TULP4: variants seen among roughly 807,000 people sequenced by gnomAD.
TULP4 encodes the protein TUB like protein 4, also known as tubby-related protein 4.
In TULP4, 16 loss-of-function variants were observed where a neutral mutation model predicts 129.0. The ratio of observed to expected loss-of-function variants is 0.12; its 90% CI spans 0.08 to 0.19. The LOEUF (loss-of-function observed/expected upper bound fraction) is 0.19. TULP4 is among the 10% of genes least tolerant of loss of function. The pLI, the probability that TULP4 is intolerant of heterozygous loss-of-function variation, is 1.00. For synonymous variants in TULP4, 998 were observed against 854.0 expected, an observed-to-expected ratio of 1.17 and a Z score of -2.94; for missense variants, 1,842 against 2,059.1, an observed-to-expected ratio of 0.89 and a Z score of 2.04.
At chr6:158,279,026 G>A (rs1338346946), upstream of TULP4, among the ~76,000 whole-genome samples, 2 of 144,858 alleles carry the variant, frequency 1.4e-5, no homozygotes. Context: ...TGCAAGCTCC[G>A]CCTCCTGGGT....
At chr6:158,298,205 C>G (rs1779069510) in intron 1 of TULP4, among the ~76,000 whole-genome samples, 1 of 152,094 alleles carries the variant, frequency 6.6e-6, no homozygotes, top group South Asian at 2.1e-4. Flanking sequence ...TTTCAAGGTG[C>G]ACTGATTTCA....
intron 3 of TULP4, among the ~76,000 whole-genome samples, chr6:158,441,599 T>C (rs111951061): frequency 1.0e-3 from 154 of 152,288 alleles, no homozygotes; most frequent in African/African-American, 3.5e-3. Flanking sequence ...TATGTCCTTA[T>C]ATGTGTTAGG....
intron 1 of TULP4, among the ~76,000 whole-genome samples, chr6:158,272,770 G>C (rs1355920317): frequency 6.6e-6 from 1 of 152,196 alleles, no homozygotes; most frequent in African/African-American, 2.4e-5. Context: ...CAAGTTTCTA[G>C]AGTGTTTCAG....
chr6:158,440,027 TA>T (rs201322124), intron 3 of TULP4, among the ~76,000 whole-genome samples: 1 of 150,352 alleles, frequency 6.7e-6, no homozygotes, highest in Non-Finnish European at 1.5e-5. Context: ...GTTTCTTTTT[TA>T]AAAAAAAATA....
chr6:158,314,487 A>G (rs1779441781), intron 1 of TULP4, among the ~76,000 whole-genome samples: 1 of 152,066 alleles, frequency 6.6e-6, no homozygotes. Flanking sequence ...TGTCCCTGGC[A>G]CCCCTGCTGT....
chr6:158,482,393 A>G (rs1378320905), intron 8 of TULP4, among the ~76,000 whole-genome samples: 3 of 152,194 alleles, frequency 2.0e-5, no homozygotes, highest in Non-Finnish European at 2.9e-5. Flanking sequence ...CAAAACAGCA[A>G]TACCACTTGT....
At chr6:158,303,099 G>T (rs942704687) in intron 1 of TULP4, among the ~76,000 whole-genome samples, 1 of 149,548 alleles carries the variant, frequency 6.7e-6, no homozygotes, top group Non-Finnish European at 1.5e-5. Flanking sequence ...GTGGGCTGTT[G>T]TTCAGAAATT....
intron 1 of TULP4, among the ~76,000 whole-genome samples, chr6:158,246,234 G>T (rs141509969): frequency 4.5e-4 from 69 of 152,238 alleles, no homozygotes; most frequent in African/African-American, 1.5e-3. Flanking sequence ...GGGCATGGTG[G>T]CTCATGCCTG....
chr6:158,247,818 G>A (rs1406953889), intron 1 of TULP4, among the ~76,000 whole-genome samples: 2 of 152,216 alleles, frequency 1.3e-5, no homozygotes, highest in Non-Finnish European at 2.9e-5. Flanking sequence ...ACAACAAACC[G>A]AGCTGTTAGT....
chr6:158,492,145 A>G (rs1296009415), intron 9 of TULP4, among the ~76,000 whole-genome samples: 1 of 152,210 alleles, frequency 6.6e-6, no homozygotes, highest in Non-Finnish European at 1.5e-5. Context: ...GGTGTGAGCC[A>G]CCGCACCCAG....
intron 1 of TULP4, among the ~76,000 whole-genome samples, chr6:158,332,274 G>A (rs1321426828): frequency 6.7e-6 from 1 of 148,472 alleles, no homozygotes; most frequent in Non-Finnish European, 1.5e-5. Context: ...ACTCTGTATA[G>A]TACCCTAGGG....
At chr6:158,359,486 C>CGATGTTTGAGGGCAG (rs1780718539) in intron 1 of TULP4, among the ~76,000 whole-genome samples, 1 of 152,162 alleles carries the variant, frequency 6.6e-6, no homozygotes, top group Admixed American at 6.5e-5. Context: ...AGCTGAAGAA[C>CGATGTTTGAGGGCAG]TTGGAGTATG....
chr6:158,387,723 AT>A (rs1401426757), intron 1 of TULP4, among the ~76,000 whole-genome samples: 1 of 152,198 alleles, frequency 6.6e-6, no homozygotes, highest in Admixed American at 6.5e-5. Context: ...CTTAAAGCTA[AT>A]TCACATTATG....
At chr6:158,452,592 G>A (rs889216607) in intron 5 of TULP4, among the ~76,000 whole-genome samples, 4 of 152,274 alleles carry the variant, frequency 2.6e-5, no homozygotes, top group African/African-American at 4.8e-5. Context: ...CACAATAAAC[G>A]GACTGCAGCA....
intron 13 of TULP4, among the ~76,000 whole-genome samples, chr6:158,506,212 T>C (rs1780595370): frequency 6.9e-6 from 1 of 144,250 alleles, no homozygotes; most frequent in African/African-American, 2.5e-5. Context: ...GTCGCCTTGC[T>C]CGCCTTGTTC....
At chr6:158,476,189 A>G (rs1779816459) in intron 6 of TULP4, among the ~76,000 whole-genome samples, 1 of 151,586 alleles carries the variant, frequency 6.6e-6, no homozygotes, top group African/African-American at 2.4e-5. Context: ...TGCTACACAA[A>G]CTAAATTAAA....
chr6:158,327,832 T>G (rs957686113), intron 1 of TULP4, among the ~76,000 whole-genome samples: 2 of 152,216 alleles, frequency 1.3e-5, no homozygotes, highest in African/African-American at 4.8e-5. Context: ...CTTGACTATT[T>G]ATTCAAATGT....
upstream of TULP4, among the ~76,000 whole-genome samples, chr6:158,311,835 T>C (rs1201053648): frequency 1.3e-5 from 2 of 152,188 alleles, no homozygotes; most frequent in Admixed American, 6.5e-5. Flanking sequence ...CAACGATCAG[T>C]GGCAGGCAGA....
chr6:158,276,250 G>A (rs1298548116), intron 1 of TULP4, among the ~76,000 whole-genome samples: 2 of 151,836 alleles, frequency 1.3e-5, no homozygotes, highest in Non-Finnish European at 2.9e-5. Flanking sequence ...GATTACAGGC[G>A]TGAGCCACTG....
Sources: gnomAD v4.1 joint callset for allele counts (sites outside exome capture counted in the v4.1 genomes callset) on GRCh38, gnomAD v4.1.1 for gene constraint, MANE v1.5 for transcripts, NCBI Gene and HGNC (gene_info 2026-07-23, HGNC 2026-07-21) for gene names.